Variants in SLC35F4 observed in about 807,000 individuals in gnomAD.
The protein encoded by SLC35F4 is solute carrier family 35 member F4.
SLC35F4 carries 24 observed loss-of-function variants against 44.2 expected under a neutral mutation model. The ratio of observed to expected loss-of-function variants is 0.54; its 90% confidence interval spans 0.39 to 0.76. The LOEUF (loss-of-function observed/expected upper bound fraction) is 0.76, where lower values mean the gene tolerates loss of function less well. Among genes scored for constraint, SLC35F4 ranks in the 30% least tolerant of loss-of-function variants. SLC35F4 has a pLI of 0.00. For synonymous variants in SLC35F4, 238 were observed against 223.6 expected (o/e 1.06, Z -0.57); for missense variants, 562 against 586.1 (o/e 0.96, Z 0.42).
intron 1 of SLC35F4, among the ~76,000 whole-genome samples, chr14:57,966,459 T>C (rs1890439326): frequency 6.8e-6 from 1 of 147,474 alleles, no homozygotes; most frequent in Non-Finnish European, 1.5e-5. Context: ...AATTGACCCA[T>C]AAACCATTTA....
chr14:57,852,223 T>C (rs966541310), intron 1 of SLC35F4, among the ~76,000 whole-genome samples: 2 of 151,964 alleles, frequency 1.3e-5, no homozygotes, highest in African/African-American at 4.8e-5. Context: ...CTCTCAGAGG[T>C]GGTGGCACTT....
intron 1 of SLC35F4, among the ~76,000 whole-genome samples, chr14:57,732,283 C>A (rs902815792): frequency 2.0e-5 from 3 of 152,094 alleles, no homozygotes; most frequent in Non-Finnish European, 2.9e-5. Context: ...AGCATGATTG[C>A]CTCTTCTAAT....
At chr14:57,596,578 A>G in intron 1 of SLC35F4, 2 of 391,578 alleles carry the variant, frequency 5.1e-6, no homozygotes, top group Non-Finnish European at 1.0e-5. Context: ...CATTTTCCCA[A>G]TATTCCATTT....
chr14:57,908,965 G>A lies in SLC35F4; in HGVS notation n.282+72948C>T, dbSNP rs564548763. Among the ~76,000 whole-genome samples the A allele has an allele frequency of 1.1e-4, 17 of 152,248 alleles. No individual in the cohort carries two copies. In the East Asian group the frequency reaches 2.1e-3, roughly 19 times the overall value. On this transcript the variant is annotated intron_variant and non_coding_transcript_variant, in intron 1 of 1. Coordinates refer to the SLC35F4 transcript ENST00000556568. The stretch of plus-strand genomic sequence containing the variant: ...CATCCTGAGTTAATTTTTGTATAAC[G>A]TGTAAGGAAGGGATCCAGTTTCAGT...
At chr14:57,709,060 A>T (rs560050758) in intron 1 of SLC35F4, among the ~76,000 whole-genome samples, 1 of 152,342 alleles carries the variant, frequency 6.6e-6, no homozygotes, top group Admixed American at 6.5e-5. Context: ...CCACTGAAGC[A>T]CAGCATCACA....
intron 1 of SLC35F4, among the ~76,000 whole-genome samples, chr14:57,649,060 T>C (rs1260936075): frequency 6.6e-6 from 1 of 152,206 alleles, no homozygotes; most frequent in East Asian, 1.9e-4. Context: ...GCACTTAAGA[T>C]CACTCCTCAG....
rs182296767 is a variant in SLC35F4 at position 57,819,695 on chromosome 14, C to T, written c.103+46028G>A. Among the ~76,000 whole-genome samples, 657 of 151,394 alleles carry T rather than the reference C, an allele frequency of 4.3e-3. 6 individuals are homozygous for T. The highest frequency in any genetic ancestry group is 0.015 in the African/African-American group (605 of 41,284). ...AGGCATGGTGGTGTGCGTCTGTATT[C>T]CCAGCTACTCAGGAGGCTGAGGCAG... On this transcript the variant is annotated intron_variant, in intron 1 of 7. Transcript: ENST00000556826.
At chr14:57,597,789 C>T (rs187339147) in intron 1 of SLC35F4, among the ~76,000 whole-genome samples, 14 of 152,254 alleles carry the variant, frequency 9.2e-5, no homozygotes, top group East Asian at 3.9e-4. Flanking sequence ...AATATTAAGA[C>T]GATCAGCTCT....
At chr14:57,870,937 G>T (rs1429282611), upstream of SLC35F4, among the ~76,000 whole-genome samples, 1 of 152,214 alleles carries the variant, frequency 6.6e-6, no homozygotes, top group Non-Finnish European at 1.5e-5. Context: ...TTTGCAGAAA[G>T]AGAAGCTGCT....
chr14:57,973,402 A>C (rs889278880), downstream of SLC35F4, among the ~76,000 whole-genome samples: 2 of 152,118 alleles, frequency 1.3e-5, no homozygotes, highest in Non-Finnish European at 2.9e-5. Flanking sequence ...TGCAACCACA[A>C]ATCACCACTT....
At chr14:57,753,826 G>A (rs2076937703) in intron 1 of SLC35F4, among the ~76,000 whole-genome samples, 1 of 152,096 alleles carries the variant, frequency 6.6e-6, no homozygotes, top group East Asian at 1.9e-4. Context: ...CCTCCACCCA[G>A]GGTAGCTTCC....
At chr14:57,883,642 C>G (rs967137231) in intron 1 of SLC35F4, among the ~76,000 whole-genome samples, 1 of 152,142 alleles carries the variant, frequency 6.6e-6, no homozygotes, top group Non-Finnish European at 1.5e-5. Flanking sequence ...TTAATAGGCT[C>G]TCTCTATTTT....
intron 1 of SLC35F4, among the ~76,000 whole-genome samples, chr14:57,702,263 C>T (rs960600136): frequency 2.7e-5 from 4 of 150,404 alleles, no homozygotes; most frequent in Non-Finnish European, 4.4e-5. Flanking sequence ...CCCCTGAATA[C>T]GCACAGTTTA....
intron 3 of SLC35F4, 112 bp downstream of exon 3, chr14:57,589,104 G>T: frequency 8.5e-7 from 1 of 1,182,582 alleles, no homozygotes; most frequent in Non-Finnish European, 1.2e-6. Context: ...CTTAGATCTT[G>T]TTTCTTCACA....
chr14:57,952,205 A>G (rs1890154392), intron 1 of SLC35F4, among the ~76,000 whole-genome samples: 1 of 152,188 alleles, frequency 6.6e-6, no homozygotes, highest in South Asian at 2.1e-4. Context: ...CCTGGCTGTT[A>G]GGAGGAAAAC....
chr14:57,664,612 T>C (rs1352899394), intron 1 of SLC35F4, among the ~76,000 whole-genome samples: 1 of 152,102 alleles, frequency 6.6e-6, no homozygotes, highest in Non-Finnish European at 1.5e-5. Context: ...AGTCTCACCA[T>C]GTTGGCTAAG....
chr14:57,982,294 C>T (rs1289258706), upstream of SLC35F4: 1 of 152,110 alleles, frequency 6.6e-6, no homozygotes, highest in Non-Finnish European at 1.5e-5. Flanking sequence ...CCACCACAGC[C>T]AACAGCAACG....
chr14:57,922,311 C>T (rs182321040), intron 1 of SLC35F4, among the ~76,000 whole-genome samples: 15 of 152,202 alleles, frequency 9.9e-5, no homozygotes, highest in Admixed American at 9.8e-4. Flanking sequence ...GAGATAGGGC[C>T]CAGGAATTCA....
intron 1 of SLC35F4, among the ~76,000 whole-genome samples, chr14:57,852,479 G>T (rs62005010): frequency 3.3e-5 from 5 of 152,078 alleles, no homozygotes; most frequent in South Asian, 2.1e-4. Flanking sequence ...TTTAACCAGA[G>T]GAATGGCATG....
Sources: gnomAD v4.1 joint callset for allele counts (sites outside exome capture counted in the v4.1 genomes callset) on GRCh38, gnomAD v4.1.1 for gene constraint, MANE v1.5 for transcripts, NCBI Gene and HGNC (gene_info 2026-07-23, HGNC 2026-07-21) for gene names.